The following CNTNAP2 variants were observed in gnomAD, a reference collection of about 807,000 sequenced individuals.
CNTNAP2 encodes contactin associated protein 2.
In CNTNAP2, 98 loss-of-function variants were observed where a neutral mutation model predicts 155.2. That is an observed-to-expected ratio of 0.63 (90% CI 0.54 to 0.75). The LOEUF is 0.75. CNTNAP2 is among the 30% of genes least tolerant of loss of function. CNTNAP2 has a pLI of 0.00. For synonymous variants in CNTNAP2, 651 were observed against 631.2 expected, an observed-to-expected ratio of 1.03 and a Z score of -0.47; for missense variants, 1,727 against 1,688.1, an observed-to-expected ratio of 1.02 and a Z score of -0.40.
intron 1 of CNTNAP2, among the ~76,000 whole-genome samples, chr7:146,187,673 T>C (rs534391332): frequency 1.3e-5 from 2 of 152,150 alleles, no homozygotes; most frequent in African/African-American, 4.8e-5. Context: ...TCCTTCCCTC[T>C]CTTTCTCCCT....
intron 15 of CNTNAP2, among the ~76,000 whole-genome samples, chr7:148,006,701 T>C (rs1801989089): frequency 6.6e-6 from 1 of 150,946 alleles, no homozygotes; most frequent in African/African-American, 2.4e-5. Context: ...GGGCTCATGA[T>C]AATAATTTTC....
At chr7:146,768,610 T>A (rs1453846202) in intron 1 of CNTNAP2, among the ~76,000 whole-genome samples, 1 of 151,918 alleles carries the variant, frequency 6.6e-6, no homozygotes, top group South Asian at 2.1e-4. Context: ...AGAAGTTGAA[T>A]GTACACGTAA....
chr7:146,429,661 G>A (rs906473650), intron 1 of CNTNAP2, among the ~76,000 whole-genome samples: 3 of 152,110 alleles, frequency 2.0e-5, no homozygotes, highest in African/African-American at 7.2e-5. Context: ...ACAGTGTCAT[G>A]TCATCTGCAA....
chr7:146,992,531 A>G (rs972490193), intron 3 of CNTNAP2, among the ~76,000 whole-genome samples: 1 of 152,092 alleles, frequency 6.6e-6, no homozygotes, highest in African/African-American at 2.4e-5. Flanking sequence ...CCTGCCTCAT[A>G]GATTGAATCC....
At chr7:148,002,359 C>T (rs1479793252) in intron 15 of CNTNAP2, among the ~76,000 whole-genome samples, 1 of 152,084 alleles carries the variant, frequency 6.6e-6, no homozygotes, top group Non-Finnish European at 1.5e-5. Context: ...TTCAATGGCT[C>T]TTTACCTTTT....
chr7:147,652,990 C>T (rs1225288437), intron 13 of CNTNAP2, among the ~76,000 whole-genome samples: 1 of 151,926 alleles, frequency 6.6e-6, no homozygotes, highest in South Asian at 2.1e-4. Context: ...CCACTATTGG[C>T]CCTGACAAGT....
chr7:147,913,331 T>TGGAA lies in CNTNAP2; in HGVS notation c.2255+9612_2255+9615dup, dbSNP rs563316044. Among the ~76,000 whole-genome samples the TGGAA allele has an allele frequency of 1.9e-3, 293 of 152,290 alleles. 2 individuals are homozygous for TGGAA. The South Asian group carries it at 0.029, about 15-fold the overall frequency. The stretch of plus-strand genomic sequence containing the variant: ...CCTGCCCCCAAATTCAGGAGCAATA[T>TGGAA]GGAAGTACTTGCCAGGCATGTCCAC... On this transcript the variant is annotated intron_variant, in intron 14 of 23. Transcript: ENST00000361727.
At chr7:148,395,452 G>A (rs937818524) in intron 22 of CNTNAP2, among the ~76,000 whole-genome samples, 1 of 152,084 alleles carries the variant, frequency 6.6e-6, no homozygotes, top group Non-Finnish European at 1.5e-5. Flanking sequence ...CCAATGGCTT[G>A]CACTAGACTT....
rs34713058 is a variant in CNTNAP2, at chr7:147,592,478, G to GTTTT, written c.1897+30230_1897+30233dup. Among the ~76,000 whole-genome samples, 765 of 143,922 alleles carry GTTTT rather than the reference G, an allele frequency of 5.3e-3. 8 individuals carry two copies. The highest frequency in any genetic ancestry group is 0.031 in the East Asian group (151 of 4,936). The allele number at this position is 143,922 out of a possible 152,430, so 94.4% of individuals were successfully genotyped here. On this transcript the variant is annotated intron_variant, in intron 12 of 23. Transcript: ENST00000361727. ...TAATAATTAAAAGTGGTTGTTTCTG[G>GTTTT]TTTTTTTTTTTTGCAAATGATTAAG...
At chr7:148,087,439 A>G (rs1342151759) in intron 15 of CNTNAP2, among the ~76,000 whole-genome samples, 1 of 152,092 alleles carries the variant, frequency 6.6e-6, no homozygotes, top group African/African-American at 2.4e-5. Flanking sequence ...TATGGCTTAT[A>G]TTAACTTTTC....
intron 1 of CNTNAP2, among the ~76,000 whole-genome samples, chr7:146,227,428 C>CAAAAAAAA (rs755623604): frequency 5.1e-4 from 30 of 58,500 alleles, no homozygotes; most frequent in African/African-American, 1.6e-3. Context: ...CTGTCTCAAA[C>CAAAAAAAA]AAAAAAAAAA....
At chr7:146,483,339 A>G (rs1376129306) in intron 1 of CNTNAP2, among the ~76,000 whole-genome samples, 2 of 136,326 alleles carry the variant, frequency 1.5e-5, no homozygotes, top group Non-Finnish European at 3.2e-5. Flanking sequence ...ACATATATAT[A>G]TATTTAAGCA....
At chr7:148,116,522 A>T (rs571441235) in intron 15 of CNTNAP2, among the ~76,000 whole-genome samples, 1 of 152,306 alleles carries the variant, frequency 6.6e-6, no homozygotes, top group South Asian at 2.1e-4. Flanking sequence ...GTGCTGCCCA[A>T]TTCACGAATC....
intron 2 of CNTNAP2, among the ~76,000 whole-genome samples, chr7:146,778,185 T>A (rs1433638189): frequency 2.6e-5 from 4 of 152,198 alleles, no homozygotes; most frequent in Non-Finnish European, 5.9e-5. Context: ...AAACATTGGC[T>A]TCAAGTTTTA....
chr7:148,076,875 A>G (rs1436747442), intron 15 of CNTNAP2, among the ~76,000 whole-genome samples: 4 of 152,206 alleles, frequency 2.6e-5, no homozygotes. Flanking sequence ...TATTTGAAAC[A>G]AGGTTTCTTG....
intron 17 of CNTNAP2, among the ~76,000 whole-genome samples, chr7:148,160,135 G>A (rs1479854206): frequency 6.6e-6 from 1 of 152,162 alleles, no homozygotes; most frequent in African/African-American, 2.4e-5. Flanking sequence ...AGCTACTTGG[G>A]AAGCTGAGGT....
chr7:147,746,203 G>A (rs1282409704), intron 13 of CNTNAP2, among the ~76,000 whole-genome samples: 1 of 152,160 alleles, frequency 6.6e-6, no homozygotes, highest in Non-Finnish European at 1.5e-5. Flanking sequence ...GGATAAAGCA[G>A]AAGAGGATCT....
intron 1 of CNTNAP2, among the ~76,000 whole-genome samples, chr7:146,670,122 G>A (rs1800276083): frequency 6.6e-6 from 1 of 152,280 alleles, no homozygotes; most frequent in Non-Finnish European, 1.5e-5. Context: ...TTTTTAAGAA[G>A]CTAATATTTT....
chr7:146,961,519 C>G (rs887613473), intron 3 of CNTNAP2, among the ~76,000 whole-genome samples: 2 of 152,184 alleles, frequency 1.3e-5, no homozygotes, highest in African/African-American at 4.8e-5. Flanking sequence ...AACTTTCTTT[C>G]ATTTTTACAC....
Sources: allele counts gnomAD v4.1 joint callset (sites outside exome capture counted in the v4.1 genomes callset), GRCh38; gene constraint gnomAD v4.1.1; transcripts MANE v1.5; gene names NCBI Gene and HGNC (gene_info 2026-07-23, HGNC 2026-07-21).